The following FSCN3 variants were observed in gnomAD, a reference collection of about 807,000 sequenced individuals.
The protein encoded by FSCN3 is fascin-3.
Under a neutral mutation model 53.5 loss-of-function variants are expected in FSCN3, and 43 were observed. The ratio of observed to expected loss-of-function variants is 0.80; its 90% CI spans 0.63 to 1.04. The LOEUF (loss-of-function observed/expected upper bound fraction) is 1.04. FSCN3 is among the 50% of genes least tolerant of loss of function. FSCN3 has a pLI of 0.00. For synonymous variants in FSCN3, 235 were observed against 246.6 expected (o/e 0.95, Z 0.44); for missense variants, 594 against 646.5 (o/e 0.92, Z 0.88).
Position 127,595,474 on chromosome 7 carries a change from G to T in FSCN3, c.312G>T (p.Lys104Asn). ...CFLLRFHRNS[K>N]WTLQCLISGR... ...TACTGCGTTTCCACCGGAACAGCAA[G>T]TGGACCCTCCAGTGCCTAATCTCTG... Residue 104 changes from lysine (K) to asparagine (N), a missense_variant, in exon 2 of 7, where the codon AAG (lysine) becomes AAT (asparagine). By Grantham distance (94) the Lys-to-Asn change is moderately conservative. Coordinates refer to ENST00000265825, the MANE Select transcript of FSCN3 (RefSeq NM_020369.3). 1 of 1,614,204 alleles carries T rather than the reference G, an allele frequency of 6.2e-7. No individual in the cohort carries two copies. The highest frequency in any genetic ancestry group is 8.5e-7 in the Non-Finnish European group (1 of 1,180,038).
intron 5 of FSCN3, among the ~76,000 whole-genome samples, chr7:127,599,814 G>A (rs915231743): frequency 1.6e-4 from 24 of 151,618 alleles, no homozygotes; most frequent in African/African-American, 1.7e-4. Flanking sequence ...GCGTGGTGGC[G>A]GGTGCCTGTA....
At chr7:127,597,236 T>C (rs1267321061) in intron 3 of FSCN3, among the ~76,000 whole-genome samples, 2 of 152,236 alleles carry the variant, frequency 1.3e-5, no homozygotes, top group Non-Finnish European at 2.9e-5. Context: ...TGGGTAAATA[T>C]GTAGGAGTGG....
chr7:127,598,318 G>A (rs1170062667), intron 3 of FSCN3, 117 bp from the exon 4 acceptor site: 5 of 941,074 alleles, frequency 5.3e-6, no homozygotes, highest in African/African-American at 1.6e-5. Flanking sequence ...AACTCTGGGA[G>A]CATGAAAAAG....
In FSCN3 at chr7:127,595,607, T is replaced by A. The variant is rs769591572; in HGVS notation, c.445T>A (p.Tyr149Asn). The stretch of plus-strand genomic sequence containing the variant: ...AGCCCTCCATGTCCACGTGATCCTC[T>A]ACAGCCCCATCCACCGCTGCTATGC... The part of the protein sequence containing the change: ...RPALHVHVIL[Y>N]SPIHRCYARA... Residue 149 changes from tyrosine (Y) to asparagine (N), a missense_variant, in exon 2 of 7, where the codon TAC becomes AAC. Coordinates refer to ENST00000265825, the MANE Select transcript of FSCN3 (RefSeq NM_020369.3). 8 of 1,614,072 alleles carry A rather than the reference T, an allele frequency of 5.0e-6. No homozygotes were observed. Among genetic ancestry groups the A allele is most frequent in the Non-Finnish European group, 5.9e-6 (7 of 1,179,986 alleles).
At chr7:127,600,142 C>A in intron 5 of FSCN3, 52 bp from the exon 6 acceptor site, 1 of 990,930 alleles carries the variant, frequency 1.0e-6, no homozygotes, top group Non-Finnish European at 1.6e-6. Context: ...GGCCAGATCG[C>A]TGGAGGACTC....
chr7:127,595,024 G>T, intron 1 of FSCN3: 1 of 553,856 alleles, frequency 1.8e-6, no homozygotes, highest in East Asian at 3.3e-5. Flanking sequence ...AAGAAAGGAG[G>T]GAGGGTTTAC....
intron 4 of FSCN3, among the ~76,000 whole-genome samples, 190 bp from the exon 5 acceptor site, chr7:127,599,191 T>TTTCGCATG (rs1416874483): frequency 3.3e-5 from 5 of 152,062 alleles, no homozygotes; most frequent in African/African-American, 1.2e-4. Context: ...GCTTCTTGGG[T>TTTCGCATG]TTCGCATGTG....
chr7:127,595,791 C>T lies in FSCN3; in HGVS notation c.629C>T (p.Ser210Leu). ...GTAGACCGGCTGTTCTCCCAACCCT[C>T]ATCACAGACAGCTTTTCACATGCAA... ...SHVDRLFSQPSSQTAFHMQVR... is the reference protein window; with the variant it reads ...SHVDRLFSQPLSQTAFHMQVR... Residue 210 changes from serine (S) to leucine (L), a missense_variant, in exon 2 of 7, where the codon TCA (serine) becomes TTA (leucine). Physicochemically the swap from Ser to Leu is moderately radical, Grantham distance 145. Coordinates refer to ENST00000265825, the MANE Select transcript of FSCN3 (RefSeq NM_020369.3). 6.2e-7 allele frequency: 1 copy of T among 1,613,726 alleles called. No individual in the cohort carries two copies. The highest frequency in any genetic ancestry group is 8.5e-7 in the Non-Finnish European group (1 of 1,179,728).
chr7:127,595,206 A>G lies in FSCN3; in HGVS notation c.145-101A>G. On this transcript the variant is annotated intron_variant, in intron 1 of 6. Transcript: ENST00000265825. ...GTGGAAGAGGAGGTGGCTGGTGCTG[A>G]TGAAGGTGCCAGGGTGATACCAGCC... 6 of 976,562 alleles carry G rather than the reference A, an allele frequency of 6.1e-6. No homozygotes were observed. In the South Asian group the frequency reaches 8.1e-5, roughly 13 times the overall value. 60.5% of individuals were successfully genotyped at this position (976,562 alleles called of 1,614,324 possible). A position where few individuals can be genotyped will look rare whatever the true frequency, so the allele number is the denominator to read the frequency against.
At position 127,594,004 on chromosome 7, in the gene FSCN3, A is replaced by G. The variant is rs1794334695; in HGVS notation, c.144+7A>G. ...GAGTTTGGGCAGGAGACAGGTGACAAAGCAAACCCATGCTGGCACCAGTTT... is the reference window on the plus strand; with the variant it reads ...GAGTTTGGGCAGGAGACAGGTGACAGAGCAAACCCATGCTGGCACCAGTTT... On this transcript the variant is annotated splice_region_variant and intron_variant, in intron 1 of 6. Coordinates refer to ENST00000265825, the MANE Select transcript of FSCN3 (RefSeq NM_020369.3). 1 of 1,612,504 alleles carries G rather than the reference A, an allele frequency of 6.2e-7. No individual in the cohort carries two copies. Among genetic ancestry groups the G allele is most frequent in the Non-Finnish European group, 8.5e-7 (1 of 1,179,462 alleles).
At position 127,599,412 on chromosome 7, in the gene FSCN3, C is replaced by G. The variant is rs1388317068; in HGVS notation, c.1152C>G (p.Ala384=). The G allele has an allele frequency of 6.2e-7, 1 of 1,613,680 alleles. No individual in the cohort carries two copies. The highest frequency in any genetic ancestry group is 1.3e-5 in the African/African-American group (1 of 74,898). ...GPNEEFGILF[A]NRSFLVLRGR... is the part of the protein sequence containing the mutation. ...ATGAGGAATTTGGGATTTTATTTGC[C>G]AATCGCTCCTTCCTTGTATTGCGAG... The change falls in exon 5 of 7, where the codon GCC becomes GCG. Residue 384 remains alanine, a synonymous_variant. Coordinates refer to ENST00000265825, the MANE Select transcript of FSCN3 (RefSeq NM_020369.3).
chr7:127,599,243 A>G (rs1794434149), intron 4 of FSCN3, 138 bp from the exon 5 acceptor site: 1 of 690,328 alleles, frequency 1.4e-6, no homozygotes, highest in East Asian at 2.5e-5. Flanking sequence ...CTAGCATAAG[A>G]CCTGACACAT....
chr7:127,594,567 G>A (rs760688277), intron 1 of FSCN3: 2 of 471,118 alleles, frequency 4.2e-6, no homozygotes, highest in Non-Finnish European at 8.8e-6. Context: ...GAGAAGTGGA[G>A]AGCCCAGGTG....
intron 6 of FSCN3, among the ~76,000 whole-genome samples, chr7:127,601,103 A>G (rs773879154): frequency 5.3e-5 from 8 of 152,022 alleles, no homozygotes; most frequent in Non-Finnish European, 1.0e-4. Flanking sequence ...CCCTGCAAAT[A>G]CTTGGCTACT....
In FSCN3 at chr7:127,598,479, T is replaced by C. The variant is rs542864949; in HGVS notation, c.1005T>C (p.Ser335=). Residue 335 remains serine (S), a synonymous_variant, in exon 4 of 7, where the codon TCT becomes TCC. Transcript: ENST00000265825. The part of the protein sequence containing the change: ...AVMADGHPLE[S]DTFFRMHWNC... ...TGGCTGATGGGCACCCCCTGGAGTCTGACACGTTCTTCCGAATGCACTGGA... is the reference window on the plus strand; with the variant it reads ...TGGCTGATGGGCACCCCCTGGAGTCCGACACGTTCTTCCGAATGCACTGGA... 3.1e-6 allele frequency: 5 copies of C among 1,614,112 alleles called. No individual in the cohort carries two copies. In the South Asian group the frequency reaches 5.5e-5, roughly 18 times the overall value.
chr7:127,593,893 G>A lies in FSCN3; in HGVS notation c.40G>A (p.Glu14Lys), dbSNP rs1794332796. ...TEWIHRHPKA[E>K]DLRVGLISWA... ...GTGGATACACAGACATCCCAAGGCT[G>A]AGGACCTAAGGGTTGGGCTCATCAG... Residue 14 changes from glutamate to lysine, a missense_variant, in exon 1 of 7, where the codon GAG becomes AAG. Physicochemically the swap from Glu to Lys is moderately conservative, Grantham distance 56 (BLOSUM62 1). Transcript: ENST00000265825. The A allele has an allele frequency of 6.3e-7, 1 of 1,589,062 alleles. No individual in the cohort carries two copies. The highest frequency in any genetic ancestry group is 2.3e-5 in the East Asian group (1 of 43,928).
chr7:127,594,720 G>A, intron 1 of FSCN3: 1 of 471,194 alleles, frequency 2.1e-6, no homozygotes, highest in Non-Finnish European at 4.4e-6. Context: ...GAGGAATGTA[G>A]GCACCTCTGG....
intron 5 of FSCN3, among the ~76,000 whole-genome samples, chr7:127,599,801 C>T (rs1292070500): frequency 3.3e-5 from 5 of 152,014 alleles, no homozygotes; most frequent in South Asian, 2.1e-4. Flanking sequence ...AAAAATTAGC[C>T]GGGCGTGGTG....
chr7:127,596,067 G>T, intron 2 of FSCN3, 64 bp downstream of exon 2: 1 of 1,500,226 alleles, frequency 6.7e-7, no homozygotes, highest in Non-Finnish European at 8.9e-7. Context: ...AGGAAAATGT[G>T]TTTGGGATCA....
Sources: allele counts gnomAD v4.1 joint callset (sites outside exome capture counted in the v4.1 genomes callset), GRCh38; gene constraint gnomAD v4.1.1; transcripts MANE v1.5; gene names NCBI Gene and HGNC (gene_info 2026-07-23, HGNC 2026-07-21).